MAP2K6: variants seen among roughly 807,000 people sequenced by gnomAD.
The protein encoded by MAP2K6 is mitogen-activated protein kinase kinase 6.
A neutral mutation model predicts 53.7 loss-of-function variants in MAP2K6; 16 were observed. The observed-to-expected ratio is 0.30, with a 90% CI of 0.20 to 0.45. The LOEUF is 0.45. Ranked by LOEUF, MAP2K6 falls within the 20% of genes least tolerant of loss-of-function variation. The probability of loss-of-function intolerance (pLI) is 1.00; values close to 1 mark genes in which losing one functional copy is unlikely to be tolerated. For missense variants in MAP2K6, 204 were observed against 411.9 expected (o/e 0.50, Z 4.37); for synonymous variants, 132 against 143.1 (o/e 0.92, Z 0.55).
chr17:69,486,915 G>A (rs143834381), intron 1 of MAP2K6, among the ~76,000 whole-genome samples: 2 of 152,174 alleles, frequency 1.3e-5, no homozygotes, highest in Admixed American at 1.3e-4. Context: ...TTGCCCAAAC[G>A]TTTTCCATTT....
intron 1 of MAP2K6, among the ~76,000 whole-genome samples, chr17:69,431,425 T>C (rs893634436): frequency 2.6e-5 from 4 of 152,064 alleles, no homozygotes; most frequent in Admixed American, 6.6e-5. Context: ...CTTGATGTAA[T>C]AGGTTGTGAG....
intron 1 of MAP2K6, among the ~76,000 whole-genome samples, chr17:69,440,561 C>G (rs977097465): frequency 3.9e-5 from 6 of 152,064 alleles, no homozygotes; most frequent in African/African-American, 1.4e-4. Context: ...CCTGTGACTT[C>G]TTTTATCATT....
At chr17:69,435,517 G>C (rs1162241674) in intron 1 of MAP2K6, 4 of 145,750 alleles carry the variant, frequency 2.7e-5, no homozygotes, top group Non-Finnish European at 6.0e-5. Flanking sequence ...CTGGGTGACA[G>C]AGTGAGATCC....
At chr17:69,517,461 TTC>T (rs1458981042) in intron 3 of MAP2K6, 37 bp from the exon 4 acceptor site, 1 of 1,177,116 alleles carries the variant, frequency 8.5e-7, no homozygotes, top group Non-Finnish European at 1.2e-6. Context: ...CTGTTTATTT[TTC>T]TCTTTCCCAT....
chr17:69,471,085 A>T (rs980897061), intron 1 of MAP2K6, among the ~76,000 whole-genome samples: 21 of 152,236 alleles, frequency 1.4e-4, no homozygotes, highest in African/African-American at 4.6e-4. Context: ...AAATTAATTG[A>T]TTGAGCATAT....
intron 1 of MAP2K6, among the ~76,000 whole-genome samples, chr17:69,496,243 A>G (rs1332779546): frequency 6.7e-6 from 1 of 150,202 alleles, no homozygotes; most frequent in Non-Finnish European, 1.5e-5. Context: ...ATTCTTCGAA[A>G]TGTTCTTAGC....
In MAP2K6 at chr17:69,491,304, C is replaced by T. The variant is rs549224214; in HGVS notation, c.17-14476C>T. Among the ~76,000 whole-genome samples, 38 of 152,146 alleles carry T rather than the reference C, an allele frequency of 2.5e-4. No homozygotes were observed. The East Asian group carries it at 3.1e-3, about 12-fold the overall frequency. On this transcript the variant is annotated intron_variant, in intron 1 of 11. Coordinates refer to ENST00000590474, the MANE Select transcript of MAP2K6 (RefSeq NM_002758.4). ...GATTACAGGCACGTGCCACCACGCC[C>T]GGCTAATTTTTGTATTTTTAGTAGA...
At chr17:69,449,054 G>A (rs1907080434) in intron 1 of MAP2K6, among the ~76,000 whole-genome samples, 1 of 152,216 alleles carries the variant, frequency 6.6e-6, no homozygotes, top group Non-Finnish European at 1.5e-5. Flanking sequence ...GAGAAAAGCT[G>A]TAAAGGAGCG....
At chr17:69,453,459 G>A (rs1907296753) in intron 1 of MAP2K6, among the ~76,000 whole-genome samples, 1 of 152,182 alleles carries the variant, frequency 6.6e-6, no homozygotes, top group African/African-American at 2.4e-5. Context: ...TGCACTTAAA[G>A]GAAGGTGTGG....
chr17:69,476,360 G>A (rs918621910), intron 1 of MAP2K6, among the ~76,000 whole-genome samples: 1 of 152,102 alleles, frequency 6.6e-6, no homozygotes, highest in Admixed American at 6.6e-5. Flanking sequence ...TTCCAGGGCC[G>A]GGGCGTGAAT....
At chr17:69,504,964 A>C (rs1909383461) in intron 1 of MAP2K6, among the ~76,000 whole-genome samples, 1 of 152,166 alleles carries the variant, frequency 6.6e-6, no homozygotes, top group Non-Finnish European at 1.5e-5. Flanking sequence ...AGGGCAGAAC[A>C]GTGGAAAAGC....
chr17:69,475,901 G>T lies in MAP2K6; in HGVS notation c.17-29879G>T, dbSNP rs182538607. 3.1e-3 allele frequency among the ~76,000 whole-genome samples: 471 copies of T among 152,330 alleles called. 2 individuals are homozygous for T. Among genetic ancestry groups the T allele is most frequent in the Non-Finnish European group, 5.2e-3 (356 of 68,018 alleles). On this transcript the variant is annotated intron_variant, in intron 1 of 11. Transcript: ENST00000590474. ...GATACATTTCTCACAAATAAGAGGA[G>T]TGTAATCCTGCCGGGTAGCTTTGGG...
At chr17:69,517,748 C>G in intron 4 of MAP2K6, 135 bp downstream of exon 4, 1 of 474,322 alleles carries the variant, frequency 2.1e-6, no homozygotes, top group African/African-American at 2.0e-5. Flanking sequence ...TTGCAGGGAA[C>G]AGTATTTTCC....
intron 1 of MAP2K6, among the ~76,000 whole-genome samples, chr17:69,499,189 G>A (rs1373407298): frequency 1.3e-5 from 2 of 152,220 alleles, no homozygotes; most frequent in African/African-American, 4.8e-5. Flanking sequence ...TTTGAAAAAT[G>A]TAATTCTAGT....
At chr17:69,515,180 A>G (rs1019629268) in intron 2 of MAP2K6, among the ~76,000 whole-genome samples, 1 of 149,834 alleles carries the variant, frequency 6.7e-6, no homozygotes, top group Non-Finnish European at 1.5e-5. Flanking sequence ...TTTTTAATAC[A>G]GAGTCTCACT....
intron 1 of MAP2K6, among the ~76,000 whole-genome samples, chr17:69,482,221 T>C (rs2145192781): frequency 6.6e-6 from 1 of 152,260 alleles, no homozygotes; most frequent in South Asian, 2.1e-4. Context: ...GATACCACCA[T>C]GCACCATTTC....
intron 1 of MAP2K6, among the ~76,000 whole-genome samples, chr17:69,457,825 A>ACAAAC (rs1907467668): frequency 6.6e-6 from 1 of 151,806 alleles, no homozygotes; most frequent in African/African-American, 2.4e-5. Context: ...CCAAAACAAA[A>ACAAAC]CAAAAGAGGC....
chr17:69,527,642 T>C (rs1178636289), intron 10 of MAP2K6, among the ~76,000 whole-genome samples: 3 of 151,854 alleles, frequency 2.0e-5, no homozygotes, highest in South Asian at 4.2e-4. Flanking sequence ...CCGGGAGAAG[T>C]AGATGAGAAT....
chr17:69,435,380 CA>C (rs1429738273), intron 1 of MAP2K6: 1 of 151,600 alleles, frequency 6.6e-6, no homozygotes, highest in Non-Finnish European at 1.5e-5. Flanking sequence ...ACTAAAAATA[CA>C]AAAATTAGCC....
Sources: gnomAD v4.1 joint callset for allele counts (sites outside exome capture counted in the v4.1 genomes callset) on GRCh38, gnomAD v4.1.1 for gene constraint, MANE v1.5 for transcripts, NCBI Gene and HGNC (gene_info 2026-07-23, HGNC 2026-07-21) for gene names.